AMY2B: variants seen among roughly 807,000 people sequenced by gnomAD.
AMY2B encodes alpha-amylase 2B.
AMY2B carries 63 observed loss-of-function variants against 59.3 expected under a neutral mutation model. That is an observed-to-expected ratio of 1.06 (90% confidence interval 0.87 to 1.31). The LOEUF is 1.31. Among genes scored for constraint, AMY2B ranks in the 50% most tolerant of loss-of-function variants. AMY2B has a pLI of 0.00. For missense variants in AMY2B, 635 were observed against 626.7 expected (o/e 1.01, Z -0.14); for synonymous variants, 180 against 198.1 (o/e 0.91, Z 0.77).
At chr1:103,573,969 T>C in intron 4 of AMY2B, 31 bp downstream of exon 4, 2 of 1,613,356 alleles carry the variant, frequency 1.2e-6, no homozygotes, top group Middle Eastern at 1.7e-4. Context: ...ATATAAAATA[T>C]CATCTTATTC....
chr1:103,562,575 T>C (rs536609513), intron 1 of AMY2B, among the ~76,000 whole-genome samples: 2 of 152,200 alleles, frequency 1.3e-5, no homozygotes, highest in East Asian at 3.9e-4. Context: ...CATTAAGGTA[T>C]TTCAGTTGTA....
chr1:103,556,603 GTACTAAGTATAGTA>G (rs879399861), intron 1 of AMY2B, among the ~76,000 whole-genome samples: 231 of 151,886 alleles, frequency 1.5e-3, no homozygotes, highest in Non-Finnish European at 2.9e-3. Flanking sequence ...TAGTATAATA[GTACTAAGTATAGTA>G]TACTAAGTAT....
intron 7 of AMY2B, 94 bp from the exon 8 acceptor site, chr1:103,577,396 A>T: frequency 6.3e-7 from 1 of 1,596,750 alleles, no homozygotes; most frequent in Non-Finnish European, 8.5e-7. Context: ...GAATGCAGAG[A>T]CACAAGTAAC....
chr1:103,559,716 T>C (rs2101060771), intron 1 of AMY2B, among the ~76,000 whole-genome samples: 1 of 152,192 alleles, frequency 6.6e-6, no homozygotes, highest in East Asian at 1.9e-4. Flanking sequence ...AAATGTGAAA[T>C]GATGTTCAGT....
At chr1:103,560,466 GT>G (rs1651699562) in intron 1 of AMY2B, among the ~76,000 whole-genome samples, 1 of 151,686 alleles carries the variant, frequency 6.6e-6, no homozygotes, top group Non-Finnish European at 1.5e-5. Flanking sequence ...TTTTCTATCT[GT>G]TTTTAAAAAA....
intron 1 of AMY2B, among the ~76,000 whole-genome samples, chr1:103,556,174 A>G (rs890051581): frequency 6.6e-6 from 1 of 151,788 alleles, no homozygotes; most frequent in Admixed American, 6.5e-5. Flanking sequence ...AGGAAAGTAA[A>G]CATACTCTTA....
At chr1:103,569,072 G>A (rs1264251710), upstream of AMY2B, 1 of 151,994 alleles carries the variant, frequency 6.6e-6, no homozygotes, top group East Asian at 1.9e-4. Flanking sequence ...CAACCATGAG[G>A]TCTTGGGAGA....
chr1:103,576,367 G>A (rs1166286779), intron 7 of AMY2B, among the ~76,000 whole-genome samples: 1 of 152,016 alleles, frequency 6.6e-6, no homozygotes, highest in Non-Finnish European at 1.5e-5. Flanking sequence ...TAATATTTAG[G>A]TGTACTTTTA....
At position 103,579,435 on chromosome 1, in the gene AMY2B, C is replaced by T. The variant is rs139342062; in HGVS notation, c.1471C>T (p.His491Tyr). 2.2e-5 allele frequency: 36 copies of T among 1,611,638 alleles called. No individual in the cohort carries two copies. In the African/African-American group the frequency reaches 4.4e-4, roughly 20 times the overall value. The change falls in exon 10 of 10, where the codon CAT becomes TAT. Residue 491 changes from histidine (H) to tyrosine (Y), a missense_variant. By Grantham distance (83) the His-to-Tyr change is moderately conservative. Coordinates refer to ENST00000684275, the MANE Select transcript of AMY2B (RefSeq NM_001387437.1). Reference protein sequence around the residue: ...KIYVSDDGKAHFSISNSAEDP... With the variant: ...KIYVSDDGKAYFSISNSAEDP... ...CTACGTTTCTGACGATGGCAAAGCT[C>T]ATTTTTCTATTAGTAACTCTGCTGA...
At chr1:103,569,707 T>C (rs1284107073), upstream of AMY2B, 2 of 403,424 alleles carry the variant, frequency 5.0e-6, no homozygotes, top group South Asian at 2.1e-5. Flanking sequence ...GAGGGACTCC[T>C]ATGTGGGCTA....
chr1:103,572,759 C>A (rs1328866416), intron 2 of AMY2B, among the ~76,000 whole-genome samples: 1 of 152,130 alleles, frequency 6.6e-6, no homozygotes, highest in East Asian at 1.9e-4. Context: ...AAACAGTAAC[C>A]TTTCCAGTCT....
intron 1 of AMY2B, among the ~76,000 whole-genome samples, chr1:103,562,803 A>G (rs1297563916): frequency 6.6e-6 from 1 of 151,942 alleles, no homozygotes; most frequent in African/African-American, 2.4e-5. Flanking sequence ...ATAAGTAGAA[A>G]GGGAGCTCTA....
intron 7 of AMY2B, among the ~76,000 whole-genome samples, chr1:103,577,061 CTCG>C (rs1280075003): frequency 1.3e-5 from 2 of 152,100 alleles, no homozygotes; most frequent in Non-Finnish European, 2.9e-5. Context: ...CTAGCAAGAC[CTCG>C]TCTTTACTGA....
At chr1:103,576,270 A>G (rs1312093972) in intron 7 of AMY2B, among the ~76,000 whole-genome samples, 1 of 152,192 alleles carries the variant, frequency 6.6e-6, no homozygotes, top group Non-Finnish European at 1.5e-5. Flanking sequence ...TGAGTCACAC[A>G]GATATCTAGC....
At chr1:103,577,342 G>A in intron 7 of AMY2B, 148 bp from the exon 8 acceptor site, 1 of 1,425,168 alleles carries the variant, frequency 7.0e-7, no homozygotes, top group South Asian at 1.3e-5. Flanking sequence ...CCAGTAAAGG[G>A]CTATAAAAAT....
intron 7 of AMY2B, chr1:103,575,776 GA>G (rs371844100): frequency 0.056 from 17,270 of 311,008 alleles, no homozygotes; most frequent in Middle Eastern, 0.086. Flanking sequence ...TAGCCCACAG[GA>G]AAAAAAAAAA....
chr1:103,563,500 A>G (rs1266542932), intron 1 of AMY2B, among the ~76,000 whole-genome samples: 3 of 152,128 alleles, frequency 2.0e-5, no homozygotes, highest in African/African-American at 2.4e-5. Context: ...TTCAGAAGAC[A>G]TAAATATACT....
chr1:103,567,580 T>C (rs1424294787), upstream of AMY2B, among the ~76,000 whole-genome samples: 1 of 152,222 alleles, frequency 6.6e-6, no homozygotes, highest in Non-Finnish European at 1.5e-5. Flanking sequence ...CACTCACCTC[T>C]TTCCTGGACC....
intron 1 of AMY2B, chr1:103,562,035 A>G (rs1306694991): frequency 6.6e-6 from 1 of 152,194 alleles, no homozygotes; most frequent in Admixed American, 6.5e-5. Context: ...TTTTTATTTT[A>G]TGATTGTAAA....
Sources: allele counts gnomAD v4.1 joint callset (sites outside exome capture counted in the v4.1 genomes callset), GRCh38; gene constraint gnomAD v4.1.1; transcripts MANE v1.5; gene names NCBI Gene and HGNC (gene_info 2026-07-23, HGNC 2026-07-21).